KCNQ5: variants seen among roughly 807,000 people sequenced by gnomAD.
KCNQ5 encodes the protein potassium voltage-gated channel subfamily Q member 5.
A neutral mutation model predicts 98.2 loss-of-function variants in KCNQ5; 30 were observed. The observed-to-expected ratio is 0.31, with a 90% confidence interval of 0.23 to 0.41. The LOEUF is 0.41. Among genes scored for constraint, KCNQ5 ranks in the 10% least tolerant of loss-of-function variants. The pLI is 1.00. For missense variants in KCNQ5, 835 were observed against 1,182.5 expected (o/e 0.71, Z 4.31); for synonymous variants, 458 against 449.4 (o/e 1.02, Z -0.24).
At chr6:72,750,624 T>C (rs1771628377) in intron 1 of KCNQ5, among the ~76,000 whole-genome samples, 1 of 152,038 alleles carries the variant, frequency 6.6e-6, no homozygotes, top group Admixed American at 6.6e-5. Flanking sequence ...AATACTAACA[T>C]TTCAAAATTT....
At chr6:72,946,723 ATTTG>A (rs1447020305) in intron 1 of KCNQ5, among the ~76,000 whole-genome samples, 1 of 152,232 alleles carries the variant, frequency 6.6e-6, no homozygotes, top group Non-Finnish European at 1.5e-5. Flanking sequence ...ATAAATATGG[ATTTG>A]TTTAATGGTA....
chr6:73,111,256 A>G, intron 6 of KCNQ5, 52 bp from the exon 7 acceptor site: 2 of 1,238,006 alleles, frequency 1.6e-6, no homozygotes, highest in Non-Finnish European at 2.4e-6. Flanking sequence ...TATTTGTATT[A>G]TTTAACAGTG....
chr6:72,709,726 A>T (rs1024692440), intron 1 of KCNQ5, among the ~76,000 whole-genome samples: 6 of 152,228 alleles, frequency 3.9e-5, no homozygotes, highest in Non-Finnish European at 7.3e-5. Flanking sequence ...AGCATAACAG[A>T]CATTCTTCCT....
At chr6:73,173,082 G>A (rs1778073274) in intron 11 of KCNQ5, among the ~76,000 whole-genome samples, 1 of 151,994 alleles carries the variant, frequency 6.6e-6, no homozygotes, top group African/African-American at 2.4e-5. Flanking sequence ...CACTGTTCAT[G>A]GTACATAGTA....
At chr6:72,976,413 T>A (rs1158085735) in intron 1 of KCNQ5, among the ~76,000 whole-genome samples, 7 of 152,206 alleles carry the variant, frequency 4.6e-5, no homozygotes, top group Non-Finnish European at 1.0e-4. Flanking sequence ...CCACATAGAT[T>A]CGTATTATCA....
At chr6:72,831,598 A>T (rs1043489905) in intron 1 of KCNQ5, among the ~76,000 whole-genome samples, 1 of 135,446 alleles carries the variant, frequency 7.4e-6, no homozygotes, top group Non-Finnish European at 1.6e-5. Context: ...GGGAGGGGGG[A>T]GGGAAAGCAG....
intron 1 of KCNQ5, among the ~76,000 whole-genome samples, chr6:72,854,874 T>C (rs535797311): frequency 2.0e-5 from 3 of 151,644 alleles, no homozygotes; most frequent in Admixed American, 1.3e-4. Flanking sequence ...TCTAATTACA[T>C]AGCCTTGTGG....
intron 1 of KCNQ5, among the ~76,000 whole-genome samples, chr6:72,736,146 T>A (rs1770819691): frequency 6.6e-6 from 1 of 152,030 alleles, no homozygotes; most frequent in Non-Finnish European, 1.5e-5. Flanking sequence ...ATAAGATTTG[T>A]GACACTGACA....
At chr6:72,811,705 T>C (rs2150105038) in intron 1 of KCNQ5, among the ~76,000 whole-genome samples, 1 of 152,284 alleles carries the variant, frequency 6.6e-6, no homozygotes, top group East Asian at 1.9e-4. Context: ...AAGTTCCAGG[T>C]GTCTCTCATT....
intron 1 of KCNQ5, among the ~76,000 whole-genome samples, chr6:72,637,031 C>T (rs1432744585): frequency 6.6e-6 from 1 of 152,140 alleles, no homozygotes. Context: ...ACACTGAGAC[C>T]AACACAGGAG....
intron 1 of KCNQ5, among the ~76,000 whole-genome samples, chr6:72,754,412 G>A (rs1212918523): frequency 6.6e-6 from 1 of 151,980 alleles, no homozygotes; most frequent in South Asian, 2.1e-4. Context: ...CTAAAGTTTT[G>A]TTGTGGTTTG....
Position 72,726,226 on chromosome 6 carries a change from TTC to T in KCNQ5, c.398+103640_398+103641del, listed in dbSNP as rs1215412407. On this transcript the variant is annotated intron_variant, in intron 1 of 13. Coordinates refer to ENST00000370398, the MANE Select transcript of KCNQ5 (RefSeq NM_019842.4). ...AATTTAAATTTTTTTTTTTTTTTTTTTCGAGATGGAGTCTGGCTCTGTCGCCC... is the reference window on the plus strand; with the variant it reads ...AATTTAAATTTTTTTTTTTTTTTTTTGAGATGGAGTCTGGCTCTGTCGCCC... Among the ~76,000 whole-genome samples the T allele has an allele frequency of 4.4e-3, 635 of 145,464 alleles. 3 individuals carry two copies. Among genetic ancestry groups the T allele is most frequent in the African/African-American group, 0.015 (603 of 39,288 alleles).
chr6:72,840,032 A>C (rs1378066736), intron 1 of KCNQ5, among the ~76,000 whole-genome samples: 2 of 152,116 alleles, frequency 1.3e-5, no homozygotes, highest in African/African-American at 4.8e-5. Flanking sequence ...TCTGGTAACT[A>C]CCAATCTACT....
At chr6:72,904,088 C>T (rs1265836538) in intron 1 of KCNQ5, among the ~76,000 whole-genome samples, 1 of 152,118 alleles carries the variant, frequency 6.6e-6, no homozygotes, top group Non-Finnish European at 1.5e-5. Flanking sequence ...TATAATGTCC[C>T]TCTTTGTCTT....
intron 10 of KCNQ5, chr6:73,158,258 T>TTTTGTTGTTG (rs1431765930): frequency 0.013 from 310 of 24,524 alleles, 4 homozygotes; most frequent in Middle Eastern, 0.02. Context: ...TGGAAGATTT[T>TTTTGTTGTTG]TTTTTTTTTT....
intron 1 of KCNQ5, among the ~76,000 whole-genome samples, chr6:72,790,871 A>G (rs1483655630): frequency 6.6e-6 from 1 of 152,248 alleles, no homozygotes; most frequent in Non-Finnish European, 1.5e-5. Flanking sequence ...AATTATATTC[A>G]GTGTTTGTTT....
At chr6:73,095,264 A>C (rs868371248) in intron 5 of KCNQ5, among the ~76,000 whole-genome samples, 1 of 152,134 alleles carries the variant, frequency 6.6e-6, no homozygotes, top group African/African-American at 2.4e-5. Flanking sequence ...TCCAAAGTTT[A>C]CTGAAGTTTT....
At chr6:73,171,066 AT>A (rs1777996632) in intron 11 of KCNQ5, among the ~76,000 whole-genome samples, 1 of 152,344 alleles carries the variant, frequency 6.6e-6, no homozygotes, top group South Asian at 2.1e-4. Context: ...CATGTTAGAC[AT>A]TGATTTGCCC....
chr6:72,948,778 A>G lies in KCNQ5; in HGVS notation c.399-55130A>G, dbSNP rs114649273. Among the ~76,000 whole-genome samples the G allele has an allele frequency of 8.6e-3, 1,308 of 152,256 alleles. 18 individuals carry two copies. Among genetic ancestry groups the G allele is most frequent in the African/African-American group, 0.03 (1,249 of 41,562 alleles). ...GAAAGCCTGAAAGAGCTTGAATTTT[A>G]TAAAGAGAAGATGAAGATTTTACAT... On this transcript the variant is annotated intron_variant, in intron 1 of 13. Coordinates refer to ENST00000370398, the MANE Select transcript of KCNQ5 (RefSeq NM_019842.4).
Sources: allele counts gnomAD v4.1 joint callset (sites outside exome capture counted in the v4.1 genomes callset), GRCh38; gene constraint gnomAD v4.1.1; transcripts MANE v1.5; gene names NCBI Gene and HGNC (gene_info 2026-07-23, HGNC 2026-07-21).